Variants in NAALADL2 observed in about 807,000 individuals in gnomAD.
The protein encoded by NAALADL2 is N-acetylated alpha-linked acidic dipeptidase like 2.
Under a neutral mutation model 87.2 loss-of-function variants are expected in NAALADL2, and 76 were observed. That is an observed-to-expected ratio of 0.87 (90% CI 0.72 to 1.05). NAALADL2 has a LOEUF of 1.05. NAALADL2 is among the 50% of genes least tolerant of loss of function. NAALADL2 has a pLI of 0.00. For synonymous variants in NAALADL2, 354 were observed against 331.0 expected, an observed-to-expected ratio of 1.07 and a Z score of -0.75; for missense variants, 1,089 against 945.8, an observed-to-expected ratio of 1.15 and a Z score of -1.99.
intron 10 of NAALADL2, among the ~76,000 whole-genome samples, chr3:175,589,238 A>G (rs1428676811): frequency 1.3e-5 from 2 of 152,240 alleles, no homozygotes; most frequent in African/African-American, 4.8e-5. Context: ...CCTGCTGTGT[A>G]GCATAATATA....
At chr3:175,594,019 A>G (rs1721903446) in intron 10 of NAALADL2, among the ~76,000 whole-genome samples, 1 of 150,884 alleles carries the variant, frequency 6.6e-6, no homozygotes, top group Non-Finnish European at 1.5e-5. Context: ...TTTTATACAC[A>G]GGGGGTACAT....
intron 1 of NAALADL2, among the ~76,000 whole-genome samples, chr3:175,048,526 G>A (rs374316329): frequency 9.5e-6 from 1 of 105,736 alleles, no homozygotes; most frequent in Non-Finnish European, 2.0e-5. Context: ...TTTTTTTTTT[G>A]TGGTGAAGTC....
chr3:175,628,601 TA>T (rs1560877900), intron 11 of NAALADL2, among the ~76,000 whole-genome samples: 46 of 57,168 alleles, frequency 8.0e-4, no homozygotes, highest in Non-Finnish European at 7.4e-5. Context: ...ACCATTAAAA[TA>T]ATCTCTCTCT....
intron 3 of NAALADL2, among the ~76,000 whole-genome samples, chr3:174,851,441 T>C (rs1346366819): frequency 3.4e-5 from 5 of 149,186 alleles, no homozygotes; most frequent in Non-Finnish European, 7.4e-5. Context: ...TTACAACCGA[T>C]AGCTAAGAAA....
intron 5 of NAALADL2, among the ~76,000 whole-genome samples, chr3:175,395,843 T>C (rs1215834196): frequency 6.6e-6 from 1 of 152,208 alleles, no homozygotes; most frequent in East Asian, 1.9e-4. Context: ...TTATTTTATA[T>C]TTTATGAGCA....
intron 9 of NAALADL2, among the ~76,000 whole-genome samples, chr3:175,572,024 A>T (rs9877693): frequency 6.6e-6 from 1 of 151,970 alleles, no homozygotes; most frequent in African/African-American, 2.4e-5. Flanking sequence ...AGGAGAAAAG[A>T]TTGTGTGTGG....
chr3:175,353,366 T>C (rs1763996465), intron 5 of NAALADL2, among the ~76,000 whole-genome samples: 1 of 152,142 alleles, frequency 6.6e-6, no homozygotes, highest in South Asian at 2.1e-4. Flanking sequence ...AAACATATAA[T>C]ATTAGTATTC....
intron 1 of NAALADL2, among the ~76,000 whole-genome samples, chr3:174,990,815 A>G (rs1165890078): frequency 6.6e-6 from 1 of 152,068 alleles, no homozygotes; most frequent in Non-Finnish European, 1.5e-5. Context: ...ATTTGATTTG[A>G]TTGGTCTGGG....
At chr3:175,675,759 T>C (rs915081993) in intron 11 of NAALADL2, 2 of 152,192 alleles carry the variant, frequency 1.3e-5, no homozygotes, top group African/African-American at 4.8e-5. Context: ...TCATGACAGG[T>C]CACCTGTCTC....
At chr3:175,592,632 A>C (rs1042504790) in intron 10 of NAALADL2, among the ~76,000 whole-genome samples, 3 of 151,544 alleles carry the variant, frequency 2.0e-5, no homozygotes, top group African/African-American at 4.8e-5. Flanking sequence ...AGTAAACTAT[A>C]GCAAGAACAA....
intron 1 of NAALADL2, among the ~76,000 whole-genome samples, chr3:174,996,723 T>C (rs1006185597): frequency 2.0e-5 from 3 of 152,006 alleles, no homozygotes; most frequent in African/African-American, 7.3e-5. Context: ...TCTGAGATCT[T>C]TGTGCACCAG....
At chr3:175,183,500 G>C (rs1736902261) in intron 2 of NAALADL2, among the ~76,000 whole-genome samples, 1 of 151,850 alleles carries the variant, frequency 6.6e-6, no homozygotes, top group African/African-American at 2.4e-5. Flanking sequence ...ATTGTGTTAA[G>C]GTATATACCT....
chr3:174,656,059 A>G (rs899753210), intron 2 of NAALADL2, among the ~76,000 whole-genome samples: 2 of 152,214 alleles, frequency 1.3e-5, no homozygotes, highest in Non-Finnish European at 2.9e-5. Flanking sequence ...CTAAAATATT[A>G]TGTTTTGGCA....
intron 2 of NAALADL2, among the ~76,000 whole-genome samples, chr3:174,595,611 T>G (rs565959024): frequency 6.6e-6 from 1 of 152,186 alleles, no homozygotes; most frequent in African/African-American, 2.4e-5. Context: ...CCTTTTCTTT[T>G]GAAAAGAGGT....
intron 2 of NAALADL2, among the ~76,000 whole-genome samples, chr3:174,602,724 T>C (rs2108613839): frequency 6.6e-6 from 1 of 152,126 alleles, no homozygotes; most frequent in East Asian, 1.9e-4. Flanking sequence ...AAAAAGACTT[T>C]CATATTTCCC....
chr3:175,350,107 A>G (rs190345811), intron 5 of NAALADL2, among the ~76,000 whole-genome samples: 68 of 150,276 alleles, frequency 4.5e-4, no homozygotes, highest in African/African-American at 1.6e-3. Flanking sequence ...CTTTCTTTCA[A>G]TCAGAAAAGA....
intron 10 of NAALADL2, among the ~76,000 whole-genome samples, chr3:175,622,600 G>T (rs1283242614): frequency 6.6e-6 from 1 of 152,000 alleles, no homozygotes; most frequent in African/African-American, 2.4e-5. Context: ...TCCAGATTCT[G>T]CCACTTACTA....
chr3:175,248,109 C>T (rs1042289959), intron 3 of NAALADL2, among the ~76,000 whole-genome samples: 1 of 152,076 alleles, frequency 6.6e-6, no homozygotes, highest in African/African-American at 2.4e-5. Flanking sequence ...GGCAAAGAAT[C>T]GATAACAATG....
At chr3:175,082,007 T>C (rs1717940981) in intron 1 of NAALADL2, among the ~76,000 whole-genome samples, 1 of 151,986 alleles carries the variant, frequency 6.6e-6, no homozygotes, top group Non-Finnish European at 1.5e-5. Context: ...CTATAACCAC[T>C]GTCATTCTCT....
Sources: allele counts gnomAD v4.1 joint callset (sites outside exome capture counted in the v4.1 genomes callset), GRCh38; gene constraint gnomAD v4.1.1; transcripts MANE v1.5; gene names NCBI Gene and HGNC (gene_info 2026-07-23, HGNC 2026-07-21).